The following KYAT1 variants were observed in gnomAD, a reference collection of about 807,000 sequenced individuals.
The protein encoded by KYAT1 is kynurenine aminotransferase 1.
KYAT1 carries 47 observed loss-of-function variants against 52.4 expected under a neutral mutation model. The observed-to-expected ratio is 0.90, with a 90% CI of 0.71 to 1.14. The LOEUF (loss-of-function observed/expected upper bound fraction) is 1.14. Among genes scored for constraint, KYAT1 ranks in the 50% most tolerant of loss-of-function variants. KYAT1 has a pLI of 0.00. For missense variants in KYAT1, 480 were observed against 557.9 expected, an observed-to-expected ratio of 0.86 and a Z score of 1.41; for synonymous variants, 212 against 209.6, an observed-to-expected ratio of 1.01 and a Z score of -0.10.
intron 3 of KYAT1, among the ~76,000 whole-genome samples, chr9:128,841,600 G>A (rs1190617643): frequency 2.6e-5 from 4 of 151,122 alleles, no homozygotes; most frequent in Non-Finnish European, 5.9e-5. Flanking sequence ...GGAGGCTGAG[G>A]CAGGAGAATC....
intron 1 of KYAT1, among the ~76,000 whole-genome samples, chr9:128,851,487 CA>C (rs1470670966): frequency 6.6e-6 from 1 of 152,112 alleles, no homozygotes; most frequent in Non-Finnish European, 1.5e-5. Context: ...TACGCTATTT[CA>C]AACAATAGAA....
intron 7 of KYAT1, 137 bp downstream of exon 7, chr9:128,836,665 C>T: frequency 1.0e-6 from 1 of 991,586 alleles, no homozygotes; most frequent in South Asian, 1.6e-5. Context: ...ACTGTGTACT[C>T]TGGGAGGCAA....
Position 128,833,561 on chromosome 9 carries a change from A to C in KYAT1, c.*23T>G. ...ATCTCTGCGGGCATGTGGGGATGTCAGGGCCAAGGCGTGACTTCAGGGCTA... is the reference window on the plus strand; with the variant it reads ...ATCTCTGCGGGCATGTGGGGATGTCCGGGCCAAGGCGTGACTTCAGGGCTA... On this transcript the variant is annotated 3_prime_UTR_variant, in exon 13 of 13. Transcript: ENST00000302586. 2.5e-6 allele frequency: 4 copies of C among 1,612,516 alleles called. No homozygotes were observed. Among genetic ancestry groups the C allele is most frequent in the Non-Finnish European group, 3.4e-6 (4 of 1,178,556 alleles).
At chr9:128,873,517 C>G (rs1006237205) in intron 1 of KYAT1, among the ~76,000 whole-genome samples, 3 of 152,082 alleles carry the variant, frequency 2.0e-5, no homozygotes, top group African/African-American at 7.2e-5. Context: ...CTCCTGTAAT[C>G]CCAGCACTTT....
At position 128,846,827 on chromosome 9, in the gene KYAT1, A is replaced by G. The variant is rs1833181614; in HGVS notation, c.-6-1416T>C. 2.6e-6 allele frequency: 4 copies of G among 1,535,426 alleles called. No individual in the cohort carries two copies. In the South Asian group the frequency reaches 4.8e-5, roughly 18 times the overall value. The stretch of plus-strand genomic sequence containing the variant: ...GTCCCAGATGGCTGGTGGGCCGTGG[A>G]GCTGGGGATCCAACATTCTTCTCAG... On this transcript the variant is annotated intron_variant, in intron 1 of 12. Transcript: ENST00000302586.
intron 1 of KYAT1, among the ~76,000 whole-genome samples, chr9:128,873,652 G>A (rs1837555283): frequency 6.6e-6 from 1 of 151,808 alleles, no homozygotes; most frequent in South Asian, 2.1e-4. Flanking sequence ...GCAGGTGCCT[G>A]TAATCCCATC....
chr9:128,869,060 A>G (rs1836847699), intron 1 of KYAT1, among the ~76,000 whole-genome samples: 2 of 151,610 alleles, frequency 1.3e-5, no homozygotes, highest in South Asian at 4.2e-4. Context: ...GGCTGGTCTC[A>G]AATTTCTGGA....
chr9:128,846,371 A>C (rs1833093418), intron 1 of KYAT1, among the ~76,000 whole-genome samples: 2 of 152,208 alleles, frequency 1.3e-5, no homozygotes, highest in Admixed American at 1.3e-4. Flanking sequence ...CAGACATTGC[A>C]GTGAGGCAAG....
chr9:128,880,058 T>G (rs971833033), intron 1 of KYAT1, among the ~76,000 whole-genome samples: 1 of 152,210 alleles, frequency 6.6e-6, no homozygotes, highest in African/African-American at 2.4e-5. Flanking sequence ...CTCACTTATC[T>G]GTAAAATGAG....
Position 128,845,359 on chromosome 9 carries a change from T to G in KYAT1, c.47A>C (p.Asn16Thr). ...CCCAGCCCAGCTGGCTCACCAGGGG[T>G]TGTAGTCGATCCCGTCTAGCCTTCG... ...QARRLDGIDY[N>T]PWVEFVKLAS... Residue 16 changes from asparagine (N) to threonine (T), a missense_variant, in exon 2 of 13, where the codon AAC becomes ACC. By Grantham distance (65) the Asn-to-Thr change is moderately conservative (BLOSUM62 0). Transcript: ENST00000302586. 1 of 1,612,960 alleles carries G rather than the reference T, an allele frequency of 6.2e-7. No individual in the cohort carries two copies.
At chr9:128,842,589 T>C (rs1832383966) in intron 3 of KYAT1, 65 bp downstream of exon 3, 2 of 1,532,848 alleles carry the variant, frequency 1.3e-6, no homozygotes, top group East Asian at 4.5e-5. Context: ...CTGTGTGGGC[T>C]TGAAGTCCAG....
At position 128,845,467 on chromosome 9, in the gene KYAT1, G is replaced by A. The variant is rs149872009; in HGVS notation, c.-6-56C>T. 110 of 1,538,012 alleles carry A rather than the reference G, an allele frequency of 7.2e-5. 1 individual carries two copies. In the East Asian group the frequency reaches 2.1e-3, roughly 30 times the overall value. On this transcript the variant is annotated intron_variant, in intron 1 of 12. Coordinates refer to ENST00000302586, the MANE Select transcript of KYAT1 (RefSeq NM_004059.5). ...GGAATCTGTCTGGGTGCAGCAGTCC[G>A]AGCTTGCACACAGGAGGGACAGCTG...
chr9:128,834,234 C>T (rs539679226), intron 11 of KYAT1, among the ~76,000 whole-genome samples: 2 of 152,096 alleles, frequency 1.3e-5, no homozygotes, highest in African/African-American at 2.4e-5. Flanking sequence ...GCAGCCTGGG[C>T]GAAAGAGAGA....
intron 1 of KYAT1, among the ~76,000 whole-genome samples, chr9:128,865,342 TATA>T (rs1564491736): frequency 1.9e-3 from 12 of 6,370 alleles, no homozygotes; most frequent in East Asian, 5.0e-3. Flanking sequence ...TATATATATA[TATA>T]TATATATATA....
chr9:128,870,670 G>A (rs991077646), intron 1 of KYAT1, among the ~76,000 whole-genome samples: 16 of 151,942 alleles, frequency 1.1e-4, no homozygotes, highest in Non-Finnish European at 1.5e-5. Context: ...AGTGAAAGAA[G>A]CCGGACAAAA....
chr9:128,882,077 C>T (rs1839031808), upstream of KYAT1: 1 of 152,272 alleles, frequency 6.6e-6, no homozygotes, highest in African/African-American at 2.4e-5. Flanking sequence ...GATGGCGACG[C>T]CCTGGCCGCC....
chr9:128,879,796 A>C (rs1188421704), intron 1 of KYAT1, among the ~76,000 whole-genome samples: 1 of 152,106 alleles, frequency 6.6e-6, no homozygotes, highest in East Asian at 1.9e-4. Context: ...TGGTCCCAAG[A>C]CCTGGGCTTC....
rs761164068 is a variant in KYAT1, at chr9:128,836,826, C to T, written c.664G>A (p.Asp222Asn). The change falls in exon 7 of 13, where the codon GAC becomes AAC. Residue 222 changes from aspartate (D) to asparagine (N), a missense_variant. Asp to Asn is a conservative substitution (Grantham distance 23). Transcript: ENST00000302586. ...TDEVYQWMVY[D>N]GHQHISIASL... ...CCAATGCTGATGTGCTGGTGCCCGT[C>T]GTAGACCATCCACTGGTAGACTTCA... 4.9e-5 allele frequency: 79 copies of T among 1,613,808 alleles called. No homozygotes were observed. In the Admixed American group the frequency reaches 9.5e-4, roughly 19 times the overall value.
intron 2 of KYAT1, among the ~76,000 whole-genome samples, chr9:128,844,886 C>T (rs1259146488): frequency 6.6e-6 from 1 of 152,016 alleles, no homozygotes; most frequent in Non-Finnish European, 1.5e-5. Flanking sequence ...GAAAATAAAA[C>T]AAGTCAAAAA....
Sources: allele counts gnomAD v4.1 joint callset (sites outside exome capture counted in the v4.1 genomes callset), GRCh38; gene constraint gnomAD v4.1.1; transcripts MANE v1.5; gene names NCBI Gene and HGNC (gene_info 2026-07-23, HGNC 2026-07-21).